Variants in SGMS2 observed in about 807,000 individuals in gnomAD.
The protein encoded by SGMS2 is phosphatidylcholine:ceramide cholinephosphotransferase 2.
SGMS2 carries 21 observed loss-of-function variants against 43.8 expected under a neutral mutation model. The observed-to-expected ratio is 0.48, with a 90% CI of 0.34 to 0.69. SGMS2 has a LOEUF of 0.69. Ranked by LOEUF, SGMS2 falls within the 30% of genes least tolerant of loss-of-function variation. SGMS2 has a pLI of 0.01. For missense variants in SGMS2, 384 were observed against 443.2 expected (o/e 0.87, Z 1.20); for synonymous variants, 167 against 160.6 (o/e 1.04, Z -0.30).
intron 3 of SGMS2, among the ~76,000 whole-genome samples, chr4:107,896,209 T>G (rs1730661472): frequency 6.6e-6 from 1 of 152,182 alleles, no homozygotes; most frequent in Non-Finnish European, 1.5e-5. Flanking sequence ...CAACTGTGTA[T>G]GAAAGTGGCA....
chr4:107,882,488 A>G (rs1190966955), intron 2 of SGMS2, among the ~76,000 whole-genome samples: 1 of 152,140 alleles, frequency 6.6e-6, no homozygotes, highest in East Asian at 1.9e-4. Flanking sequence ...AGCTCCTTAT[A>G]TATTCTGGTT....
intron 1 of SGMS2, among the ~76,000 whole-genome samples, chr4:107,832,465 A>G (rs1173319009): frequency 6.6e-6 from 1 of 152,170 alleles, no homozygotes; most frequent in Non-Finnish European, 1.5e-5. Context: ...TACTTGAAAC[A>G]CAGGGGGGTT....
At chr4:107,865,379 GTTTAAC>G (rs771529584) in intron 2 of SGMS2, among the ~76,000 whole-genome samples, 3 of 152,256 alleles carry the variant, frequency 2.0e-5, no homozygotes, top group African/African-American at 4.8e-5. Context: ...GGAATTTATA[GTTTAAC>G]TTTAAATCAA....
chr4:107,885,781 A>G (rs1166110818), intron 2 of SGMS2, among the ~76,000 whole-genome samples: 1 of 152,226 alleles, frequency 6.6e-6, no homozygotes, highest in African/African-American at 2.4e-5. Flanking sequence ...TTAAAAACAC[A>G]GTATCCTTAT....
chr4:107,880,440 T>C (rs1004649294), intron 2 of SGMS2, among the ~76,000 whole-genome samples: 4 of 152,172 alleles, frequency 2.6e-5, no homozygotes, highest in Non-Finnish European at 4.4e-5. Context: ...ACAAATTTTG[T>C]GGGTGCTTCT....
chr4:107,896,570 T>C lies in SGMS2; in HGVS notation c.455+562T>C, dbSNP rs73838269. On this transcript the variant is annotated intron_variant, in intron 3 of 6. Transcript: ENST00000690982. ...TTGCTTGCTATCTAGTTACAAGTGT[T>C]TAAGAGACTGAGTTTAGAACCAGAT... Among the ~76,000 whole-genome samples the C allele has an allele frequency of 1.9e-3, 288 of 152,294 alleles. 3 individuals carry two copies. Among genetic ancestry groups the C allele is most frequent in the African/African-American group, 6.7e-3 (280 of 41,574 alleles).
At chr4:107,843,194 TCTTCA>T (rs1726620422) in intron 1 of SGMS2, among the ~76,000 whole-genome samples, 1 of 152,026 alleles carries the variant, frequency 6.6e-6, no homozygotes, top group Non-Finnish European at 1.5e-5. Flanking sequence ...GAAAACTTCC[TCTTCA>T]CTTTTTTATA....
chr4:107,841,833 TAG>T (rs1229733660), intron 1 of SGMS2, among the ~76,000 whole-genome samples: 1 of 151,904 alleles, frequency 6.6e-6, no homozygotes, highest in Non-Finnish European at 1.5e-5. Flanking sequence ...ATTTTTTTTG[TAG>T]AGATAGGGTC....
Position 107,895,958 on chromosome 4 carries a change from GATT to G in SGMS2, c.408_410del (p.Ile137del), listed in dbSNP as rs1560667942. On this transcript the variant is annotated inframe_deletion, in exon 3 of 7. Coordinates refer to ENST00000690982, the MANE Select transcript of SGMS2 (RefSeq NM_001375905.1). ...CATTTTCTGTATCAGAAATAAATGG[GATT>G]ATATTAGTTGGATTATGGATCACCC... 4 of 1,613,758 alleles carry G rather than the reference GATT, an allele frequency of 2.5e-6. No homozygotes were observed. In the African/African-American group the frequency reaches 5.3e-5, roughly 22 times the overall value.
At chr4:107,899,442 T>A (rs1381179787) in intron 3 of SGMS2, 133 bp from the exon 4 acceptor site, 1 of 613,358 alleles carries the variant, frequency 1.6e-6, no homozygotes, top group African/African-American at 1.9e-5. Context: ...TTAAACTCTG[T>A]GAAACTGTGG....
chr4:107,856,718 G>A (rs1293075034), intron 1 of SGMS2, among the ~76,000 whole-genome samples: 1 of 152,180 alleles, frequency 6.6e-6, no homozygotes, highest in African/African-American at 2.4e-5. Context: ...TACAGTATCT[G>A]AAGTGTAAAA....
At position 107,850,178 on chromosome 4, in the gene SGMS2, C is replaced by T. The variant is rs778848740; in HGVS notation, c.-326-8294C>T. ...ATGTGATGTGCTTGCTCTTCCTTTA[C>T]CTTCCACCATGATTATAAGTTTCCT... is the stretch of plus-strand genomic sequence containing the variant. On this transcript the variant is annotated intron_variant, in intron 1 of 6. Coordinates refer to ENST00000690982, the MANE Select transcript of SGMS2 (RefSeq NM_001375905.1). Among the ~76,000 whole-genome samples, 66 of 152,138 alleles carry T rather than the reference C, an allele frequency of 4.3e-4. 1 individual carries two copies. The highest frequency in any genetic ancestry group is 2.8e-4 in the Non-Finnish European group (19 of 68,022).
chr4:107,865,002 G>A (rs1728007883), intron 2 of SGMS2, among the ~76,000 whole-genome samples: 1 of 152,014 alleles, frequency 6.6e-6, no homozygotes, highest in Admixed American at 6.6e-5. Flanking sequence ...TATGTTACTT[G>A]GTGGAAAACT....
In SGMS2 at chr4:107,844,113, G is replaced by C. The variant is rs578196401; in HGVS notation, c.-326-14359G>C. 4.6e-5 allele frequency among the ~76,000 whole-genome samples: 7 copies of C among 151,224 alleles called. No homozygotes were observed. In the East Asian group the frequency reaches 1.0e-3, roughly 22 times the overall value. ...CAAGACAGGCAGATCATGAGGTCAGGAGTTCGAGACTAGCCTGGCCAACAT... is the reference window on the plus strand; with the variant it reads ...CAAGACAGGCAGATCATGAGGTCAGCAGTTCGAGACTAGCCTGGCCAACAT... On this transcript the variant is annotated intron_variant, in intron 1 of 6. Transcript: ENST00000690982.
At chr4:107,825,450 GTCATC>G (rs1425830897) in intron 1 of SGMS2, among the ~76,000 whole-genome samples, 197 bp downstream of exon 1, 4 of 151,506 alleles carry the variant, frequency 2.6e-5, no homozygotes, top group African/African-American at 9.7e-5. Flanking sequence ...CCTCTGAGCA[GTCATC>G]TCATTCATTT....
In SGMS2 at chr4:107,910,511, A is replaced by G. The variant is rs891409632; in HGVS notation, c.1056A>G (p.Ser352=). The G allele has an allele frequency of 1.2e-6, 2 of 1,613,990 alleles. No individual in the cohort carries two copies. The highest frequency in any genetic ancestry group is 2.2e-5 in the East Asian group (1 of 44,852). Reference sequence around the variant, plus strand: ...TCAAATCATCATGCAAAAAGTATTCACGGGTTCAGAAGATTGGTGAAGACA... The same window carrying G: ...TCAAATCATCATGCAAAAAGTATTCGCGGGTTCAGAAGATTGGTGAAGACA... The part of the protein sequence containing the change: ...GCFKSSCKKY[S]RVQKIGEDNE... Residue 352 remains serine, a synonymous_variant, in exon 7 of 7, where the codon TCA becomes TCG. Transcript: ENST00000690982.
intron 1 of SGMS2, among the ~76,000 whole-genome samples, chr4:107,844,917 C>G (rs889655636): frequency 3.9e-5 from 6 of 152,168 alleles, no homozygotes; most frequent in Non-Finnish European, 8.8e-5. Flanking sequence ...CTAATGGAGA[C>G]TGGACCATTT....
rs1373751834 is a variant in SGMS2 at position 107,910,586 on chromosome 4, A to G, written c.*33A>G. On this transcript the variant is annotated 3_prime_UTR_variant, in exon 7 of 7. Transcript: ENST00000690982. ...AACAAAGGCATCAGCTCTTACACCA[A>G]AAGAGTTAACGCTGTAACCAAAGGT... 3 of 1,598,798 alleles carry G rather than the reference A, an allele frequency of 1.9e-6. No homozygotes were observed. Among genetic ancestry groups the G allele is most frequent in the Admixed American group, 1.7e-5 (1 of 59,056 alleles).
chr4:107,831,744 T>C (rs1483195983), intron 1 of SGMS2, among the ~76,000 whole-genome samples: 2 of 152,184 alleles, frequency 1.3e-5, no homozygotes, highest in African/African-American at 4.8e-5. Flanking sequence ...TATTTTTCCC[T>C]CCCCGTTTCC....
Sources: allele counts gnomAD v4.1 joint callset (sites outside exome capture counted in the v4.1 genomes callset), GRCh38; gene constraint gnomAD v4.1.1; transcripts MANE v1.5; gene names NCBI Gene and HGNC (gene_info 2026-07-23, HGNC 2026-07-21).